Variants in GATAD2A observed in about 807,000 individuals in gnomAD.
GATAD2A encodes the protein GATA zinc finger domain containing 2A.
A neutral mutation model predicts 68.5 loss-of-function variants in GATAD2A; 12 were observed. That is an observed-to-expected ratio of 0.18 (90% CI 0.11 to 0.28). GATAD2A has a LOEUF of 0.28. Ranked by LOEUF, GATAD2A falls within the 10% of genes least tolerant of loss-of-function variation. GATAD2A has a pLI of 1.00. For synonymous variants in GATAD2A, 410 were observed against 375.3 expected, an observed-to-expected ratio of 1.09 and a Z score of -1.07; for missense variants, 755 against 868.5, an observed-to-expected ratio of 0.87 and a Z score of 1.64.
At chr19:19,476,247 C>T (rs1288829420) in intron 2 of GATAD2A, among the ~76,000 whole-genome samples, 1 of 152,250 alleles carries the variant, frequency 6.6e-6, no homozygotes, top group Non-Finnish European at 1.5e-5. Flanking sequence ...ACTCTTCTCA[C>T]ACATCTGTAA....
At chr19:19,491,651 A>G (rs1293920721) in intron 2 of GATAD2A, among the ~76,000 whole-genome samples, 1 of 152,198 alleles carries the variant, frequency 6.6e-6, no homozygotes, top group African/African-American at 2.4e-5. Flanking sequence ...ACAGACAGCC[A>G]CTGCCGCCAT....
intron 2 of GATAD2A, among the ~76,000 whole-genome samples, chr19:19,483,228 A>ACT (rs1018733580): frequency 6.6e-6 from 1 of 151,792 alleles, no homozygotes; most frequent in African/African-American, 2.4e-5. Context: ...AGCCACACAG[A>ACT]CTCTCTCTCT....
At chr19:19,450,837 C>T (rs1305322925) in intron 1 of GATAD2A, among the ~76,000 whole-genome samples, 1 of 150,886 alleles carries the variant, frequency 6.6e-6, no homozygotes, top group Non-Finnish European at 1.5e-5. Context: ...GTGGCATGAT[C>T]TCGGCTCACT....
chr19:19,417,395 AC>A (rs999626149), intron 1 of GATAD2A, among the ~76,000 whole-genome samples: 11 of 151,672 alleles, frequency 7.3e-5, no homozygotes, highest in Non-Finnish European at 1.2e-4. Flanking sequence ...GCATCTGATT[AC>A]CCCCCCACCC....
chr19:19,476,014 C>A (rs781495782), intron 2 of GATAD2A, among the ~76,000 whole-genome samples: 2 of 152,214 alleles, frequency 1.3e-5, no homozygotes, highest in Non-Finnish European at 2.9e-5. Flanking sequence ...TCCTGAACTT[C>A]AGCTTCTCCA....
intron 1 of GATAD2A, among the ~76,000 whole-genome samples, chr19:19,413,533 C>T (rs1186083621): frequency 6.6e-6 from 1 of 152,036 alleles, no homozygotes; most frequent in Non-Finnish European, 1.5e-5. Context: ...TCCTAGGGTT[C>T]TCTTATAGCC....
At chr19:19,459,780 G>T (rs1168379497) in intron 1 of GATAD2A, among the ~76,000 whole-genome samples, 2 of 152,194 alleles carry the variant, frequency 1.3e-5, no homozygotes, top group Non-Finnish European at 2.9e-5. Flanking sequence ...GCCAGCCAGC[G>T]TGTGTGTGAT....
chr19:19,457,886 G>T (rs1426846667), intron 1 of GATAD2A, among the ~76,000 whole-genome samples: 1 of 152,150 alleles, frequency 6.6e-6, no homozygotes, highest in Non-Finnish European at 1.5e-5. Context: ...CCTGTACCTT[G>T]TGGGATGACA....
At chr19:19,460,883 C>T (rs935394037) in intron 1 of GATAD2A, among the ~76,000 whole-genome samples, 17 of 152,310 alleles carry the variant, frequency 1.1e-4, no homozygotes, top group Middle Eastern at 6.8e-3. Flanking sequence ...CACATGTCTC[C>T]GCTCAGGCCC....
intron 1 of GATAD2A, among the ~76,000 whole-genome samples, chr19:19,422,869 G>C (rs1052658288): frequency 6.6e-6 from 1 of 151,688 alleles, no homozygotes; most frequent in African/African-American, 2.4e-5. Flanking sequence ...CCACCACCAC[G>C]CCCGGCTAAT....
chr19:19,453,983 T>TTG (rs1555706935), intron 1 of GATAD2A, among the ~76,000 whole-genome samples: 6 of 148,670 alleles, frequency 4.0e-5, no homozygotes, highest in African/African-American at 1.2e-4. Flanking sequence ...GTTTTTTTTT[T>TTG]TTTGTTTATT....
chr19:19,409,803 C>A (rs1228631452), intron 1 of GATAD2A, among the ~76,000 whole-genome samples: 1 of 152,210 alleles, frequency 6.6e-6, no homozygotes, highest in African/African-American at 2.4e-5. Context: ...AGCATCCCCG[C>A]AAACAGGATC....
chr19:19,505,537 G>C lies in GATAD2A; in HGVS notation c.*63G>C. On this transcript the variant is annotated 3_prime_UTR_variant, in exon 12 of 12. Coordinates refer to ENST00000683918, the MANE Select transcript of GATAD2A (RefSeq NM_001384528.1). ...CCCCACCTGGCCCCTGGTCTAGAAG[G>C]ACCCACTGCACCACCCTCCGCTGGC... 7.0e-7 allele frequency: 1 copy of C among 1,431,490 alleles called. No homozygotes were observed. The highest frequency in any genetic ancestry group is 2.2e-5 in the Admixed American group (1 of 45,320). The allele number at this position is 1,431,490 out of a possible 1,614,324, so 88.7% of individuals were successfully genotyped here. A position where few individuals can be genotyped will look rare whatever the true frequency, so the allele number is the denominator to read the frequency against.
intron 1 of GATAD2A, among the ~76,000 whole-genome samples, chr19:19,449,919 T>G (rs922876707): frequency 2.6e-5 from 4 of 152,142 alleles, no homozygotes; most frequent in Non-Finnish European, 5.9e-5. Flanking sequence ...TGCCTTTTCT[T>G]TTTACTTCCT....
At chr19:19,439,784 G>C (rs1350693190) in intron 1 of GATAD2A, among the ~76,000 whole-genome samples, 1 of 152,056 alleles carries the variant, frequency 6.6e-6, no homozygotes, top group Non-Finnish European at 1.5e-5. Flanking sequence ...GGAGGCGGAG[G>C]TTGCAGTGAG....
chr19:19,507,598 C>G lies in GATAD2A; in HGVS notation c.*2124C>G, dbSNP rs753995586. ...CCCAGCCCCAGCTCCAGCTCCTGAC[C>G]TCTCCCAGCCTGGCCTGGCTGTTCC... is the stretch of plus-strand genomic sequence containing the variant. On this transcript the variant is annotated 3_prime_UTR_variant, in exon 12 of 12. Transcript: ENST00000683918. The G allele has an allele frequency of 1.3e-5, 2 of 152,592 alleles. No homozygotes were observed. Among genetic ancestry groups the G allele is most frequent in the Non-Finnish European group, 2.9e-5 (2 of 68,358 alleles). 9.5% of individuals were successfully genotyped at this position (152,592 alleles called of 1,614,324 possible).
At chr19:19,478,411 A>T (rs767620040) in intron 2 of GATAD2A, among the ~76,000 whole-genome samples, 9 of 152,082 alleles carry the variant, frequency 5.9e-5, no homozygotes, top group Non-Finnish European at 1.2e-4. Context: ...GACCAGCCTG[A>T]GCAACATGGC....
chr19:19,396,043 G>A (rs563376936), intron 1 of GATAD2A, among the ~76,000 whole-genome samples: 13 of 152,198 alleles, frequency 8.5e-5, no homozygotes, highest in African/African-American at 2.9e-4. Flanking sequence ...TTTAGGAGCC[G>A]GGCACGGTGG....
chr19:19,494,545 A>G (rs1374354536), intron 5 of GATAD2A, among the ~76,000 whole-genome samples, 162 bp downstream of exon 5: 1 of 152,120 alleles, frequency 6.6e-6, no homozygotes, highest in Non-Finnish European at 1.5e-5. Context: ...AGCCTAGGGG[A>G]AGAAGCACAC....
Sources: allele counts gnomAD v4.1 joint callset (sites outside exome capture counted in the v4.1 genomes callset), GRCh38; gene constraint gnomAD v4.1.1; transcripts MANE v1.5; gene names NCBI Gene and HGNC (gene_info 2026-07-23, HGNC 2026-07-21).